FMN2: variants seen among roughly 807,000 people sequenced by gnomAD.
FMN2 encodes formin-2.
A neutral mutation model predicts 142.3 loss-of-function variants in FMN2; 51 were observed. The observed-to-expected ratio is 0.36, with a 90% CI of 0.29 to 0.45. FMN2 has a LOEUF of 0.45. Ranked by LOEUF, FMN2 falls within the 20% of genes least tolerant of loss-of-function variation. The pLI, the probability that FMN2 is intolerant of heterozygous loss-of-function variation, is 1.00. For synonymous variants in FMN2, 882 were observed against 869.8 expected, an observed-to-expected ratio of 1.01 and a Z score of -0.25; for missense variants, 1,936 against 2,122.8, an observed-to-expected ratio of 0.91 and a Z score of 1.73.
chr1:240,278,401 C>T (rs983525549), intron 7 of FMN2, among the ~76,000 whole-genome samples: 6 of 152,220 alleles, frequency 3.9e-5, no homozygotes, highest in African/African-American at 9.6e-5. Flanking sequence ...TGTTGAAATA[C>T]GATGAAGTCT....
chr1:240,408,462 G>T (rs1263571392), intron 15 of FMN2, among the ~76,000 whole-genome samples: 1 of 152,162 alleles, frequency 6.6e-6, no homozygotes, highest in African/African-American at 2.4e-5. Context: ...TAAAGACATT[G>T]TGATAGCTAC....
chr1:240,242,059 A>T (rs1465944188), intron 6 of FMN2, among the ~76,000 whole-genome samples: 1 of 151,808 alleles, frequency 6.6e-6, no homozygotes, highest in Admixed American at 6.6e-5. Flanking sequence ...GTTAGCCAGG[A>T]TGGTCTCGAT....
intron 6 of FMN2, among the ~76,000 whole-genome samples, chr1:240,213,754 A>G (rs1666782278): frequency 6.6e-6 from 1 of 152,188 alleles, no homozygotes; most frequent in Admixed American, 6.5e-5. Flanking sequence ...TTGTTTAAAT[A>G]TTTAAAAATA....
rs115318418 is a variant in FMN2 at position 240,281,765 on chromosome 1, A to G, written c.4154-13057A>G. Among the ~76,000 whole-genome samples, 772 of 152,134 alleles carry G rather than the reference A, an allele frequency of 5.1e-3. 1 individual carries two copies. Among genetic ancestry groups the G allele is most frequent in the Non-Finnish European group, 8.5e-3 (576 of 67,994 alleles). ...ACACAATATCACTCATTTTTTGGTAATATCTCTAAGGTACTGTATTTGTGC... is the reference window on the plus strand; with the variant it reads ...ACACAATATCACTCATTTTTTGGTAGTATCTCTAAGGTACTGTATTTGTGC... On this transcript the variant is annotated intron_variant, in intron 7 of 17. Coordinates refer to ENST00000319653, the MANE Select transcript of FMN2 (RefSeq NM_020066.5).
intron 15 of FMN2, among the ~76,000 whole-genome samples, chr1:240,396,370 T>C (rs1383212637): frequency 2.7e-5 from 4 of 149,808 alleles, no homozygotes; most frequent in African/African-American, 9.8e-5. Flanking sequence ...AATTGACTCA[T>C]GCGATTGTAA....
intron 15 of FMN2, among the ~76,000 whole-genome samples, chr1:240,405,508 C>T (rs9725406): frequency 0.59 from 88,827 of 151,786 alleles, 26,799 homozygotes; most frequent in Middle Eastern, 0.66. Flanking sequence ...ATCCCAGCTA[C>T]TCAGGAGGCT....
At chr1:240,417,709 C>A (rs776947862) in intron 15 of FMN2, among the ~76,000 whole-genome samples, 19 of 152,062 alleles carry the variant, frequency 1.2e-4, no homozygotes, top group Non-Finnish European at 2.6e-4. Flanking sequence ...GACTATTTGT[C>A]TTTCTTAGTG....
intron 3 of FMN2, among the ~76,000 whole-genome samples, chr1:240,182,354 C>G (rs1014558094): frequency 6.6e-6 from 1 of 152,040 alleles, no homozygotes; most frequent in Non-Finnish European, 1.5e-5. Flanking sequence ...TGAGAGGAAA[C>G]AGAGAACTGA....
chr1:240,122,930 C>G (rs1662342038), intron 1 of FMN2, among the ~76,000 whole-genome samples: 1 of 152,148 alleles, frequency 6.6e-6, no homozygotes. Flanking sequence ...ATAACTTCGC[C>G]TGTTGTCTTT....
chr1:240,436,364 C>G (rs1675370350), intron 15 of FMN2, among the ~76,000 whole-genome samples: 1 of 152,196 alleles, frequency 6.6e-6, no homozygotes, highest in South Asian at 2.1e-4. Flanking sequence ...GGGAATCTTG[C>G]TGCTCAGAGA....
intron 4 of FMN2, among the ~76,000 whole-genome samples, chr1:240,199,467 A>G (rs1430092322): frequency 6.6e-6 from 1 of 152,166 alleles, no homozygotes. Context: ...TTGTAACCTT[A>G]ATGTTACAGT....
intron 2 of FMN2, among the ~76,000 whole-genome samples, chr1:240,150,099 A>G (rs1264214232): frequency 6.6e-6 from 1 of 150,616 alleles, no homozygotes; most frequent in Admixed American, 7.1e-5. Flanking sequence ...CAGATAAAAC[A>G]GATTTTTAAT....
At chr1:240,136,481 T>C (rs1315367884) in intron 2 of FMN2, among the ~76,000 whole-genome samples, 1 of 152,304 alleles carries the variant, frequency 6.6e-6, no homozygotes, top group East Asian at 1.9e-4. Context: ...ACTTTCTTCA[T>C]GATTGTTTTT....
Position 240,406,266 on chromosome 1 carries a change from G to A in FMN2, c.4910+13704G>A, listed in dbSNP as rs75525847. On this transcript the variant is annotated intron_variant, in intron 15 of 17. Coordinates refer to ENST00000319653, the MANE Select transcript of FMN2 (RefSeq NM_020066.5). ...AGGGAAGCAGCCTCGGGAGTCGGGG[G>A]AGCGAAGGGAAGCAGCCTCGGGAGT... 1.9e-3 allele frequency among the ~76,000 whole-genome samples: 105 copies of A among 54,190 alleles called. 9 individuals carry two copies. Among genetic ancestry groups the A allele is most frequent in the African/African-American group, 9.6e-3 (98 of 10,216 alleles). The allele number at this position is 54,190 out of a possible 152,430, so 35.6% of individuals were successfully genotyped here. A position where few individuals can be genotyped will look rare whatever the true frequency, so the allele number is the denominator to read the frequency against.
chr1:240,159,901 CTG>C (rs1228860568), intron 2 of FMN2, among the ~76,000 whole-genome samples: 2 of 75,682 alleles, frequency 2.6e-5, no homozygotes, highest in African/African-American at 1.3e-4. Flanking sequence ...ATATATATAT[CTG>C]TGTATATATA....
intron 16 of FMN2, among the ~76,000 whole-genome samples, chr1:240,447,976 T>C (rs1675884432): frequency 6.6e-6 from 1 of 152,314 alleles, no homozygotes; most frequent in South Asian, 2.1e-4. Context: ...CAGTTGAACA[T>C]ACTGACAACC....
At chr1:240,216,030 A>C (rs1666881670) in intron 6 of FMN2, among the ~76,000 whole-genome samples, 1 of 152,172 alleles carries the variant, frequency 6.6e-6, no homozygotes, top group Non-Finnish European at 1.5e-5. Context: ...AGATTTTGAC[A>C]AGTATATAAA....
At chr1:240,336,815 T>C (rs72766282) in intron 13 of FMN2, among the ~76,000 whole-genome samples, 27,664 of 152,094 alleles carry the variant, frequency 0.18, 3,250 homozygotes, top group African/African-American at 0.33. Context: ...GGAATCAGCT[T>C]GAAGAGCTAT....
chr1:240,303,761 T>C (rs1670284123), intron 8 of FMN2, among the ~76,000 whole-genome samples: 2 of 152,082 alleles, frequency 1.3e-5, no homozygotes, highest in Admixed American at 1.3e-4. Flanking sequence ...TCTGTTCCTT[T>C]CTCTCTTTTT....
Sources: gnomAD v4.1 joint callset for allele counts (sites outside exome capture counted in the v4.1 genomes callset) on GRCh38, gnomAD v4.1.1 for gene constraint, MANE v1.5 for transcripts, NCBI Gene and HGNC (gene_info 2026-07-23, HGNC 2026-07-21) for gene names.